Variants in PPARD observed in about 807,000 individuals in gnomAD.
The protein encoded by PPARD is peroxisome proliferator activated receptor delta.
PPARD carries 6 observed loss-of-function variants against 39.5 expected under a neutral mutation model. The observed-to-expected ratio is 0.15, with a 90% CI of 0.08 to 0.30. The LOEUF (loss-of-function observed/expected upper bound fraction) is 0.30. PPARD is among the 10% of genes least tolerant of loss of function. PPARD has a pLI of 1.00. For synonymous variants in PPARD, 210 were observed against 231.3 expected (o/e 0.91, Z 0.83); for missense variants, 397 against 596.8 (o/e 0.67, Z 3.49).
intron 2 of PPARD, among the ~76,000 whole-genome samples, chr6:35,360,304 A>G (rs1322531309): frequency 1.3e-5 from 2 of 152,186 alleles, no homozygotes; most frequent in Non-Finnish European, 2.9e-5. Context: ...TGGTGAAGTG[A>G]AAAGAGAAAA....
chr6:35,393,877 A>G (rs1764158915), intron 2 of PPARD, among the ~76,000 whole-genome samples: 1 of 152,178 alleles, frequency 6.6e-6, no homozygotes, highest in Admixed American at 6.5e-5. Context: ...AAGGGACAGG[A>G]GGACTGAGAA....
At chr6:35,393,328 G>C (rs541437455) in intron 2 of PPARD, among the ~76,000 whole-genome samples, 13 of 152,328 alleles carry the variant, frequency 8.5e-5, no homozygotes, top group Middle Eastern at 3.4e-3. Flanking sequence ...TGCTTGCTCA[G>C]TGAACAGTGG....
rs184523520 is a variant in PPARD at position 35,381,032 on chromosome 6, A to G, written c.-101-29955A>G. Among the ~76,000 whole-genome samples the G allele has an allele frequency of 2.0e-5, 3 of 151,270 alleles. No individual in the cohort carries two copies. The East Asian group carries it at 5.9e-4, about 30-fold the overall frequency. On this transcript the variant is annotated intron_variant, in intron 2 of 7. Coordinates refer to ENST00000360694, the MANE Select transcript of PPARD (RefSeq NM_006238.5). ...ACTTTCCTTTGCTCCTGCCTTTTGC[A>G]TCTGTTCCTCTCTGCATTCTCCCCT...
At position 35,363,081 on chromosome 6, in the gene PPARD, G is replaced by A. The variant is rs777030116; in HGVS notation, c.-102+15931G>A. Among the ~76,000 whole-genome samples the A allele has an allele frequency of 2.6e-5, 4 of 152,186 alleles. No individual in the cohort carries two copies. The highest frequency in any genetic ancestry group is 5.9e-5 in the Non-Finnish European group (4 of 68,030). ...GTAACTCAGATTCCGTTCCAGAAAC[G>A]CATCTCAAAGCAAGGGAGAAAATTG... On this transcript the variant is annotated intron_variant, in intron 2 of 7. Coordinates refer to ENST00000360694, the MANE Select transcript of PPARD (RefSeq NM_006238.5). This position sits in a 1 kb window ranked among gnomAD's most constrained non-coding sequence, Gnocchi z 4.5.
chr6:35,354,586 A>G (rs1227383701), intron 2 of PPARD, among the ~76,000 whole-genome samples: 1 of 152,118 alleles, frequency 6.6e-6, no homozygotes, highest in Non-Finnish European at 1.5e-5. Context: ...GGCATGAGCC[A>G]CCGTGCCCCG....
intron 2 of PPARD, among the ~76,000 whole-genome samples, chr6:35,410,302 T>C (rs1164410984): frequency 6.6e-6 from 1 of 152,172 alleles, no homozygotes; most frequent in Non-Finnish European, 1.5e-5. Flanking sequence ...GGATAATGTT[T>C]TACTTGCTAA....
At chr6:35,384,981 C>A (rs1480564844) in intron 2 of PPARD, among the ~76,000 whole-genome samples, 1 of 139,710 alleles carries the variant, frequency 7.2e-6, no homozygotes, top group East Asian at 2.1e-4. Flanking sequence ...AGCCCCCCGC[C>A]GGGCCAGCCG....
chr6:35,390,332 A>G (rs979823356), intron 2 of PPARD, among the ~76,000 whole-genome samples: 3 of 152,156 alleles, frequency 2.0e-5, no homozygotes, highest in Non-Finnish European at 2.9e-5. Context: ...ATCTCTCCCC[A>G]TAGGGGTCTA....
chr6:35,425,108 A>G lies in PPARD; in HGVS notation c.1078+329A>G, dbSNP rs144776588. ...GCCAACATGGTGAAACCCCGTCTCT[A>G]CTAAAAATACAAAAAATTAGCCAGA... On this transcript the variant is annotated intron_variant, in intron 7 of 7. Transcript: ENST00000360694. This position sits in a 1 kb window ranked among gnomAD's most constrained non-coding sequence, Gnocchi z 4.5. The G allele has an allele frequency of 2.5e-3, 2,161 of 879,824 alleles. 11 individuals carry two copies. The highest frequency in any genetic ancestry group is 0.015 in the African/African-American group (881 of 57,538). The allele number at this position is 879,824 out of a possible 1,614,324, so 54.5% of individuals were successfully genotyped here.
intron 3 of PPARD, among the ~76,000 whole-genome samples, chr6:35,415,075 A>G (rs993331182): frequency 2.0e-5 from 3 of 151,764 alleles, no homozygotes; most frequent in Non-Finnish European, 2.9e-5. Context: ...CATCCCAATC[A>G]CCCTTGAGAA....
At chr6:35,416,486 G>A (rs1340246701) in intron 3 of PPARD, among the ~76,000 whole-genome samples, 1 of 147,816 alleles carries the variant, frequency 6.8e-6, no homozygotes, top group East Asian at 2.1e-4. Flanking sequence ...GACCAACATA[G>A]CCGCTGCCAG....
chr6:35,392,668 C>T (rs146494316), intron 2 of PPARD, among the ~76,000 whole-genome samples: 198 of 152,236 alleles, frequency 1.3e-3, no homozygotes, highest in South Asian at 8.5e-3. Flanking sequence ...CCTACGTGCT[C>T]GGGACGCCCC....
intron 2 of PPARD, chr6:35,397,444 C>A: frequency 1.3e-6 from 1 of 768,938 alleles, no homozygotes; most frequent in Non-Finnish European, 1.6e-6. Flanking sequence ...TAGATTCGCT[C>A]TCCACCACAT....
chr6:35,377,439 T>C (rs900297662), intron 2 of PPARD, among the ~76,000 whole-genome samples: 4 of 152,218 alleles, frequency 2.6e-5, no homozygotes, highest in Non-Finnish European at 4.4e-5. Context: ...TGCAGCCCAT[T>C]CTACCTCTCC....
chr6:35,356,596 G>A (rs1213593335), intron 2 of PPARD, among the ~76,000 whole-genome samples: 1 of 152,156 alleles, frequency 6.6e-6, no homozygotes. Flanking sequence ...TGTTGGGCTG[G>A]ATAATCATCT....
At chr6:35,371,895 CTGTT>C (rs1267473081) in intron 2 of PPARD, among the ~76,000 whole-genome samples, 4 of 152,222 alleles carry the variant, frequency 2.6e-5, no homozygotes, top group Non-Finnish European at 4.4e-5. Context: ...ATTTATTACT[CTGTT>C]TGAGCTCCCC....
intron 2 of PPARD, among the ~76,000 whole-genome samples, chr6:35,410,592 G>A (rs995399654): frequency 6.6e-5 from 10 of 152,320 alleles, no homozygotes; most frequent in African/African-American, 2.2e-4. Flanking sequence ...GGACAGGGTC[G>A]GGGATGGGAG....
intron 2 of PPARD, among the ~76,000 whole-genome samples, chr6:35,407,185 C>T (rs544332514): frequency 1.3e-5 from 2 of 152,312 alleles, no homozygotes; most frequent in South Asian, 2.1e-4. Context: ...AGCTTTTCCT[C>T]CTCTGTTACT....
At chr6:35,365,058 C>T (rs1417958294) in intron 2 of PPARD, among the ~76,000 whole-genome samples, 1 of 151,710 alleles carries the variant, frequency 6.6e-6, no homozygotes, top group Non-Finnish European at 1.5e-5. Flanking sequence ...GCTATACTCA[C>T]TGGTCTGCAC....
Sources: gnomAD v4.1 joint callset for allele counts (sites outside exome capture counted in the v4.1 genomes callset) on GRCh38, gnomAD v4.1.1 for gene constraint, Gnocchi (gnomAD v3.1) non-coding constraint, MANE v1.5 for transcripts, NCBI Gene and HGNC (gene_info 2026-07-23, HGNC 2026-07-21) for gene names.